The following ABCC12 variants were observed in gnomAD, a reference collection of about 807,000 sequenced individuals.
ABCC12 encodes the protein ATP-binding cassette sub-family C member 12.
A neutral mutation model predicts 151.1 loss-of-function variants in ABCC12; 142 were observed. That is an observed-to-expected ratio of 0.94 (90% CI 0.82 to 1.08). The LOEUF is 1.08. Ranked by LOEUF, ABCC12 falls within the 50% of genes least tolerant of loss-of-function variation. The pLI, the probability that ABCC12 is intolerant of heterozygous loss-of-function variation, is 0.00. For synonymous variants in ABCC12, 645 were observed against 646.4 expected (o/e 1.00, Z 0.03); for missense variants, 1,638 against 1,691.1 (o/e 0.97, Z 0.55).
Position 48,088,043 on chromosome 16 carries a change from G to T in ABCC12, c.3518C>A (p.Pro1173Gln), listed in dbSNP as rs1962699892. The change falls in exon 27 of 31, where the codon CCA becomes CAA. Residue 1173 changes from proline to glutamine, a missense_variant. By Grantham distance (76) the Pro-to-Gln change is moderately conservative. Transcript: ENST00000311303. ...ATCAATAAAGATTGTGCCACTGGCTGGCTCCACCAGACGAAACAAAGCCAT... is the reference window on the plus strand; with the variant it reads ...ATCAATAAAGATTGTGCCACTGGCTTGCTCCACCAGACGAAACAAAGCCAT... Reference protein sequence around the residue: ...LGMALFRLVEPASGTIFIDEV... With the variant: ...LGMALFRLVEQASGTIFIDEV... 4 of 1,614,222 alleles carry T rather than the reference G, an allele frequency of 2.5e-6. No homozygotes were observed. The Middle Eastern group carries it at 6.6e-4, about 266-fold the overall frequency.
At chr16:48,125,565 T>C (rs985046548) in intron 11 of ABCC12, among the ~76,000 whole-genome samples, 1 of 152,126 alleles carries the variant, frequency 6.6e-6, no homozygotes, top group African/African-American at 2.4e-5. Context: ...GGAGAATCAT[T>C]GCAGGCAAAC....
intron 26 of ABCC12, 73 bp from the exon 27 acceptor site, chr16:48,088,158 A>C (rs1962706448): frequency 6.6e-7 from 1 of 1,518,434 alleles, no homozygotes. Context: ...GCATTTAATC[A>C]GTGGGATTTT....
intron 12 of ABCC12, among the ~76,000 whole-genome samples, chr16:48,122,996 G>A (rs1964122739): frequency 1.3e-5 from 2 of 152,246 alleles, no homozygotes; most frequent in South Asian, 4.1e-4. Flanking sequence ...AACAGCTGGG[G>A]AACCCAGGCT....
chr16:48,112,634 A>G (rs759522770), intron 15 of ABCC12, among the ~76,000 whole-genome samples: 6 of 152,130 alleles, frequency 3.9e-5, no homozygotes, highest in Non-Finnish European at 8.8e-5. Context: ...GATCATGGAG[A>G]TTTGGAAAAT....
chr16:48,135,500 C>T (rs1237842951), intron 8 of ABCC12, among the ~76,000 whole-genome samples: 1 of 152,100 alleles, frequency 6.6e-6, no homozygotes, highest in Non-Finnish European at 1.5e-5. Context: ...TCCACCTCAG[C>T]CTCCTGAGTA....
At chr16:48,087,800 TG>T in intron 27 of ABCC12, 125 bp downstream of exon 27, 2 of 1,050,080 alleles carry the variant, frequency 1.9e-6, no homozygotes, top group Non-Finnish European at 2.7e-6. Flanking sequence ...TGAGCCCCCC[TG>T]GGATACTGCT....
chr16:48,090,098 G>A (rs1962816129), intron 25 of ABCC12, among the ~76,000 whole-genome samples: 1 of 152,188 alleles, frequency 6.6e-6, no homozygotes, highest in Non-Finnish European at 1.5e-5. Context: ...ACCTAAATGT[G>A]ATTGCTAGAA....
At chr16:48,087,871 T>G (rs1158750401) in intron 27 of ABCC12, 55 bp downstream of exon 27, 1 of 1,571,746 alleles carries the variant, frequency 6.4e-7, no homozygotes, top group Non-Finnish European at 8.7e-7. Context: ...AAGTTCTTGG[T>G]CAGTCTGATT....
At chr16:48,101,713 C>A (rs140940326) in intron 22 of ABCC12, among the ~76,000 whole-genome samples, 74 of 152,140 alleles carry the variant, frequency 4.9e-4, no homozygotes, top group African/African-American at 1.6e-3. Flanking sequence ...TCAAGCAGGA[C>A]GAGCTCTGGT....
chr16:48,084,399 T>A (rs1962494574), intron 29 of ABCC12, among the ~76,000 whole-genome samples: 1 of 152,314 alleles, frequency 6.6e-6, no homozygotes, highest in African/African-American at 2.4e-5. Context: ...CTAAACTGAG[T>A]CGGCATGAAG....
chr16:48,125,259 C>T (rs1964201860), intron 11 of ABCC12, among the ~76,000 whole-genome samples: 1 of 152,186 alleles, frequency 6.6e-6, no homozygotes, highest in Admixed American at 6.5e-5. Context: ...CGGAACTCAA[C>T]CCTGCAGGGA....
chr16:48,111,965 C>A, intron 15 of ABCC12, 55 bp from the exon 16 acceptor site: 1 of 1,582,736 alleles, frequency 6.3e-7, no homozygotes, highest in Non-Finnish European at 8.6e-7. Flanking sequence ...GAGCCCATGC[C>A]AAACTCCTCT....
rs144838511 is a variant in ABCC12 at position 48,097,945 on chromosome 16, G to A, written c.3039-1043C>T. 6.8e-3 allele frequency among the ~76,000 whole-genome samples: 1,034 copies of A among 152,280 alleles called. 3 individuals carry two copies. Among genetic ancestry groups the A allele is most frequent in the Non-Finnish European group, 0.011 (731 of 68,016 alleles). ...GCAGAAAGGAGAGAATGGCCCAGAG[G>A]TGCCAGTCACCCAAGGATGTGTTCT... On this transcript the variant is annotated intron_variant, in intron 23 of 30. Coordinates refer to ENST00000311303, the MANE Select transcript of ABCC12 (RefSeq NM_001393797.1).
intron 8 of ABCC12, among the ~76,000 whole-genome samples, chr16:48,136,989 T>G (rs1177670916): frequency 6.6e-6 from 1 of 152,210 alleles, no homozygotes; most frequent in African/African-American, 2.4e-5. Flanking sequence ...CTTTGAATAA[T>G]CTTAAGTGTG....
In ABCC12 at chr16:48,128,672, C is replaced by G; in HGVS notation, c.1302G>C (p.Leu434Phe). 6.2e-7 allele frequency: 1 copy of G among 1,614,166 alleles called. No homozygotes were observed. The highest frequency in any genetic ancestry group is 8.5e-7 in the Non-Finnish European group (1 of 1,180,030). ...ATGTCAAGGTGGCATTTGCTAAAAG[C>G]AAGACAGTATCTGGGTCTTCTGGTT... ...ITQPEDPDTV[L>F]LLANATLTWE... The change falls in exon 11 of 31, where the codon TTG becomes TTC. Residue 434 changes from leucine to phenylalanine, a missense_variant. Physicochemically the swap from Leu to Phe is conservative, Grantham distance 22. Transcript: ENST00000311303.
intron 26 of ABCC12, 116 bp from the exon 27 acceptor site, chr16:48,088,201 A>T: frequency 1.3e-5 from 16 of 1,187,818 alleles, no homozygotes; most frequent in Non-Finnish European, 1.9e-5. Context: ...TAAGGATGAC[A>T]GTGTAGACAG....
chr16:48,092,131 A>C (rs985430697), intron 24 of ABCC12, among the ~76,000 whole-genome samples: 1 of 152,218 alleles, frequency 6.6e-6, no homozygotes. Flanking sequence ...CCCTGCCAAC[A>C]CCTTGAGTGC....
At chr16:48,151,729 G>C (rs1021657688) in intron 2 of ABCC12, among the ~76,000 whole-genome samples, 1 of 152,116 alleles carries the variant, frequency 6.6e-6, no homozygotes, top group Non-Finnish European at 1.5e-5. Context: ...TTACCTCTAG[G>C]GGTGGGGAAA....
intron 23 of ABCC12, among the ~76,000 whole-genome samples, chr16:48,097,930 G>A (rs368189039): frequency 7.9e-5 from 12 of 152,208 alleles, no homozygotes; most frequent in Non-Finnish European, 1.5e-4. Context: ...GCAGAAAGGA[G>A]AGAATGGCCC....
Sources: allele counts gnomAD v4.1 joint callset (sites outside exome capture counted in the v4.1 genomes callset), GRCh38; gene constraint gnomAD v4.1.1; transcripts MANE v1.5; gene names NCBI Gene and HGNC (gene_info 2026-07-23, HGNC 2026-07-21).